SERPINA12: variants seen among roughly 807,000 people sequenced by gnomAD.
SERPINA12 encodes the protein serpin family A member 12.
Under a neutral mutation model 25.9 loss-of-function variants are expected in SERPINA12, and 21 were observed. The observed-to-expected ratio is 0.81, with a 90% CI of 0.58 to 1.17. The LOEUF (loss-of-function observed/expected upper bound fraction) is 1.17. Ranked by LOEUF, SERPINA12 falls within the 50% of genes most tolerant of loss-of-function variation. SERPINA12 has a pLI of 0.00. For synonymous variants in SERPINA12, 220 were observed against 196.0 expected, an observed-to-expected ratio of 1.12 and a Z score of -1.02; for missense variants, 562 against 508.3, an observed-to-expected ratio of 1.11 and a Z score of -1.02.
At chr14:94,497,617 C>T in intron 2 of SERPINA12, 147 bp downstream of exon 2, 1 of 695,142 alleles carries the variant, frequency 1.4e-6, no homozygotes. Flanking sequence ...TCATGGTAAC[C>T]ATTTTACAGA....
chr14:94,496,672 G>T (rs1900440018), intron 2 of SERPINA12, 29 bp from the exon 3 acceptor site: 1 of 1,605,354 alleles, frequency 6.2e-7, no homozygotes, highest in Admixed American at 1.7e-5. Context: ...AAACAGACAT[G>T]TTATCCCAAG....
chr14:94,492,974 T>A (rs541153160), intron 3 of SERPINA12, among the ~76,000 whole-genome samples: 1 of 152,306 alleles, frequency 6.6e-6, no homozygotes, highest in African/African-American at 2.4e-5. Context: ...ATCCGAAGCC[T>A]AAATTCTGAC....
exon 2 of SERPINA12, chr14:94,515,889 A>G (rs1164549168): frequency 6.6e-6 from 1 of 152,220 alleles, no homozygotes; most frequent in Non-Finnish European, 1.5e-5. Flanking sequence ...GGATAAAACC[A>G]TCCACTTCCT....
chr14:94,501,039 A>T (rs923198987), intron 1 of SERPINA12: 1 of 985,296 alleles, frequency 1.0e-6, no homozygotes, highest in Non-Finnish European at 1.2e-6. Context: ...GTAAAACTTA[A>T]TAACAGCTGG....
Position 94,496,516 on chromosome 14 carries a change from C to T in SERPINA12, c.762G>A (p.Lys254=). 1 of 1,613,902 alleles carries T rather than the reference C, an allele frequency of 6.2e-7. No homozygotes were observed. Among genetic ancestry groups the T allele is most frequent in the Non-Finnish European group, 8.5e-7 (1 of 1,179,954 alleles). Residue 254 remains lysine, a synonymous_variant, in exon 3 of 5, where the codon AAG becomes AAA. Coordinates refer to ENST00000677451, the MANE Select transcript of SERPINA12 (RefSeq NM_001382267.1). Reference sequence around the variant, plus strand: ...GTATTTCCAGGATGGTGCAAGAGAGCTTATCGTCATAGCCAACTTGGTATA... The same window carrying T: ...GTATTTCCAGGATGGTGCAAGAGAGTTTATCGTCATAGCCAACTTGGTATA... The part of the protein sequence containing the change: ...SGIYQVGYDD[K]LSCTILEIPY...
intron 1 of SERPINA12, among the ~76,000 whole-genome samples, chr14:94,498,691 C>A (rs189894682): frequency 2.0e-5 from 3 of 152,266 alleles, no homozygotes; most frequent in Admixed American, 1.3e-4. Context: ...GTCTCAATTC[C>A]TTTGAGGAAC....
In SERPINA12 at chr14:94,498,418, T is replaced by C. The variant is rs892987672; in HGVS notation, c.-21A>G. 4 of 1,607,936 alleles carry C rather than the reference T, an allele frequency of 2.5e-6. No homozygotes were observed. The highest frequency in any genetic ancestry group is 2.7e-5 in the African/African-American group (2 of 74,542). On this transcript the variant is annotated 5_prime_UTR_variant, in exon 2 of 5. Coordinates refer to ENST00000677451, the MANE Select transcript of SERPINA12 (RefSeq NM_001382267.1). ...TTCATTTTCCTTGAAGAATATCCTG[T>C]TGAGTAGTAGACCTGAGGTCAGCAG...
At chr14:94,489,250 A>G (rs1273665981) in intron 4 of SERPINA12, among the ~76,000 whole-genome samples, 2 of 151,622 alleles carry the variant, frequency 1.3e-5, no homozygotes, top group African/African-American at 2.4e-5. Context: ...GAGAGAGAGA[A>G]AGAGAGAAAG....
chr14:94,497,127 G>T (rs1900462386), intron 2 of SERPINA12, among the ~76,000 whole-genome samples: 1 of 152,170 alleles, frequency 6.6e-6, no homozygotes, highest in Non-Finnish European at 1.5e-5. Flanking sequence ...ACCTATTTTG[G>T]CCAACCTGTT....
chr14:94,493,898 G>T (rs1900284693), intron 3 of SERPINA12, among the ~76,000 whole-genome samples: 1 of 152,198 alleles, frequency 6.6e-6, no homozygotes. Context: ...CTGTGTGGTT[G>T]GTGGTGGCCT....
At position 94,498,293 on chromosome 14, in the gene SERPINA12, C is replaced by T; in HGVS notation, c.105G>A (p.Glu35=). Residue 35 remains glutamate, a synonymous_variant, in exon 2 of 5, where the codon GAG becomes GAA. Coordinates refer to ENST00000677451, the MANE Select transcript of SERPINA12 (RefSeq NM_001382267.1). The part of the protein sequence containing the change: ...FSPRNYKALS[E]VQGWKQRMAA... ...CCATCCTTTGCTTCCATCCTTGGAC[C>T]TCGCTCAAAGCTTTATAATTCCTTG... 1.2e-6 allele frequency: 2 copies of T among 1,614,200 alleles called. No individual in the cohort carries two copies. The highest frequency in any genetic ancestry group is 1.7e-6 in the Non-Finnish European group (2 of 1,180,048).
At chr14:94,489,821 C>A (rs567801771) in intron 3 of SERPINA12, 54 bp from the exon 4 acceptor site, 1 of 1,577,930 alleles carries the variant, frequency 6.3e-7, no homozygotes, top group Admixed American at 1.7e-5. Context: ...TGTTGCAGGG[C>A]AAGCCTCAGG....
At chr14:94,493,493 A>T (rs1337614902) in intron 3 of SERPINA12, among the ~76,000 whole-genome samples, 1 of 152,040 alleles carries the variant, frequency 6.6e-6, no homozygotes, top group Non-Finnish European at 1.5e-5. Flanking sequence ...GGGATGGGGG[A>T]GGCAGACCAG....
At chr14:94,495,119 A>C (rs1900351627) in intron 3 of SERPINA12, among the ~76,000 whole-genome samples, 1 of 120,044 alleles carries the variant, frequency 8.3e-6, no homozygotes, top group Non-Finnish European at 1.6e-5. Context: ...CCCAGGCTGG[A>C]GTGCAGTGGC....
rs72692890 is a variant in SERPINA12, at chr14:94,495,953, C to T, written c.905+420G>A. ...TTATTTGTATAACTTACTTTGGATA[C>T]TTCATGGGTTTTGTTGTGACACCAC... is the stretch of plus-strand genomic sequence containing the variant. On this transcript the variant is annotated intron_variant, in intron 3 of 4. Transcript: ENST00000677451. Among the ~76,000 whole-genome samples, 1,274 of 152,276 alleles carry T rather than the reference C, an allele frequency of 8.4e-3. 14 individuals are homozygous for T. The highest frequency in any genetic ancestry group is 0.013 in the Non-Finnish European group (915 of 68,002).
At chr14:94,516,844 A>G in intron 1 of SERPINA12, among the ~76,000 whole-genome samples, 1 of 152,214 alleles carries the variant, frequency 6.6e-6, no homozygotes, top group Admixed American at 6.5e-5. Flanking sequence ...CACAGGGGTC[A>G]GGGTAGAACA....
rs573946044 is a variant in SERPINA12, at chr14:94,509,423, C to G, written c.-115G>C. ...TTGTTGCTGATCCCAGCCTCCTAGTCCTTTTTCGGTCCTGGTCCTGCAGCC... is the reference window on the plus strand; with the variant it reads ...TTGTTGCTGATCCCAGCCTCCTAGTGCTTTTTCGGTCCTGGTCCTGCAGCC... On this transcript the variant is annotated 5_prime_UTR_variant, in exon 1 of 5. Transcript: ENST00000677451. Among the ~76,000 whole-genome samples, 3 of 152,220 alleles carry G rather than the reference C, an allele frequency of 2.0e-5. No individual in the cohort carries two copies. The East Asian group carries it at 5.8e-4, about 29-fold the overall frequency.
intron 2 of SERPINA12, chr14:94,515,687 A>T (rs1199757621): frequency 1.6e-5 from 2 of 121,388 alleles, no homozygotes; most frequent in Non-Finnish European, 4.0e-5. Flanking sequence ...AGATGCGGGC[A>T]AACAGTGCAG....
At position 94,500,686 on chromosome 14, in the gene SERPINA12, C is replaced by A. The variant is rs563368709; in HGVS notation, c.-33-2256G>T. Among the ~76,000 whole-genome samples the A allele has an allele frequency of 3.0e-4, 45 of 152,180 alleles. No homozygotes were observed. In the South Asian group the frequency reaches 4.4e-3, roughly 15 times the overall value. ...GCAGGGACTAACAGCAACTTTGCCC[C>A]GTGAGGGAAGTGACTCTAAGACAAA... On this transcript the variant is annotated intron_variant, in intron 1 of 4. Transcript: ENST00000677451.
Sources: allele counts gnomAD v4.1 joint callset (sites outside exome capture counted in the v4.1 genomes callset), GRCh38; gene constraint gnomAD v4.1.1; transcripts MANE v1.5; gene names NCBI Gene and HGNC (gene_info 2026-07-23, HGNC 2026-07-21).